KAZN: variants seen among roughly 807,000 people sequenced by gnomAD.
KAZN encodes kazrin, periplakin interacting protein.
KAZN carries 40 observed loss-of-function variants against 87.4 expected under a neutral mutation model. That is an observed-to-expected ratio of 0.46 (90% CI 0.36 to 0.60). The LOEUF (loss-of-function observed/expected upper bound fraction) is 0.60. Among genes scored for constraint, KAZN ranks in the 20% least tolerant of loss-of-function variants. The probability of loss-of-function intolerance (pLI) is 0.00; values close to 1 mark genes in which losing one functional copy is unlikely to be tolerated. For synonymous variants in KAZN, 466 were observed against 458.3 expected (o/e 1.02, Z -0.22); for missense variants, 898 against 1,073.9 (o/e 0.84, Z 2.29).
At chr1:13,967,462 C>T (rs936340197) in intron 1 of KAZN, among the ~76,000 whole-genome samples, 9 of 152,174 alleles carry the variant, frequency 5.9e-5, no homozygotes, top group African/African-American at 2.2e-4. Context: ...TGGCCAGCAT[C>T]CAGCAGTGTA....
Position 14,995,934 on chromosome 1 carries a change from G to A in KAZN, c.418+35059G>A, listed in dbSNP as rs149689775. ...TTTAAAAGTTGGAAACTTTTACAGT[G>A]TGGATTTCCAACTTGTCCTGGAAAA... On this transcript the variant is annotated intron_variant, in intron 2 of 14. Transcript: ENST00000376030. Among the ~76,000 whole-genome samples the A allele has an allele frequency of 4.6e-3, 696 of 152,274 alleles. 5 individuals carry two copies. The highest frequency in any genetic ancestry group is 0.016 in the African/African-American group (662 of 41,542).
intron 2 of KAZN, among the ~76,000 whole-genome samples, chr1:14,375,231 A>G (rs1660801824): frequency 6.6e-6 from 1 of 152,212 alleles, no homozygotes; most frequent in African/African-American, 2.4e-5. Flanking sequence ...TACACACTTC[A>G]GAAAGAGTGC....
chr1:14,156,237 A>G (rs1395299195), intron 1 of KAZN, among the ~76,000 whole-genome samples: 1 of 152,120 alleles, frequency 6.6e-6, no homozygotes, highest in Admixed American at 6.5e-5. Flanking sequence ...ATGTTTTAAG[A>G]TTTGTTTTGT....
At chr1:14,137,672 T>C (rs10803459) in intron 1 of KAZN, among the ~76,000 whole-genome samples, 81,521 of 147,788 alleles carry the variant, frequency 0.55, 23,837 homozygotes, top group East Asian at 0.72. Context: ...CAGTATCTGG[T>C]GGTGAGTAAG....
chr1:14,465,243 C>T (rs1668057762), intron 2 of KAZN, among the ~76,000 whole-genome samples: 1 of 151,612 alleles, frequency 6.6e-6, no homozygotes. Flanking sequence ...ACTAAAAATA[C>T]AAAAAATTGG....
chr1:13,971,603 T>TTTTTG (rs1642139058), intron 1 of KAZN, among the ~76,000 whole-genome samples: 4 of 133,768 alleles, frequency 3.0e-5, no homozygotes, highest in African/African-American at 1.0e-4. Flanking sequence ...AGGTTTTTTT[T>TTTTTG]TTGTTGTTGT....
chr1:14,842,017 C>G (rs1270135990), intron 1 of KAZN, among the ~76,000 whole-genome samples: 1 of 152,186 alleles, frequency 6.6e-6, no homozygotes, highest in African/African-American at 2.4e-5. Context: ...CTGGGATGTG[C>G]CCTTATCAGT....
chr1:14,475,221 A>C (rs1668656089), intron 2 of KAZN, among the ~76,000 whole-genome samples: 1 of 152,140 alleles, frequency 6.6e-6, no homozygotes, highest in African/African-American at 2.4e-5. Context: ...TGAAGTAGAA[A>C]ATGCTTATTA....
chr1:14,972,618 G>A (rs1385959543), intron 2 of KAZN, among the ~76,000 whole-genome samples: 2 of 151,696 alleles, frequency 1.3e-5, no homozygotes, highest in South Asian at 2.1e-4. Context: ...GAGTTCCGGC[G>A]ATTCTCCTAC....
Position 14,883,326 on chromosome 1 carries a change from G to A in KAZN, c.227-77358G>A, listed in dbSNP as rs183109018. The stretch of plus-strand genomic sequence containing the variant: ...AAAGAAAGAAAGAAAGAAAGAGAGA[G>A]AGAGAGAGAGAGAGAGAAAGAAAGA... On this transcript the variant is annotated intron_variant, in intron 1 of 14. Transcript: ENST00000376030. Among the ~76,000 whole-genome samples, 179 of 37,540 alleles carry A rather than the reference G, an allele frequency of 4.8e-3. 6 individuals carry two copies. Among genetic ancestry groups the A allele is most frequent in the African/African-American group, 0.012 (170 of 14,556 alleles). The allele number at this position is 37,540 out of a possible 152,430, so 24.6% of individuals were successfully genotyped here.
intron 2 of KAZN, among the ~76,000 whole-genome samples, chr1:14,383,302 A>G (rs949577265): frequency 2.0e-5 from 3 of 149,892 alleles, no homozygotes; most frequent in African/African-American, 4.9e-5. Flanking sequence ...TTTGCTGTGC[A>G]GAAGCTCTTT....
intron 2 of KAZN, among the ~76,000 whole-genome samples, chr1:14,421,420 G>A (rs910595302): frequency 6.6e-6 from 1 of 152,128 alleles, no homozygotes; most frequent in Non-Finnish European, 1.5e-5. Context: ...AGGACACGAG[G>A]AAAGCCACAT....
At chr1:14,144,882 G>A (rs1405749648) in intron 1 of KAZN, among the ~76,000 whole-genome samples, 2 of 152,110 alleles carry the variant, frequency 1.3e-5, no homozygotes, top group African/African-American at 4.8e-5. Flanking sequence ...CACAGGAAAG[G>A]CATCTACTAA....
In KAZN at chr1:14,960,705, C is replaced by G. The variant is rs200376788; in HGVS notation, c.248C>G (p.Ser83Trp). Residue 83 changes from serine to tryptophan, a missense_variant, in exon 2 of 15, where the codon TCG becomes TGG. Around this residue, in one of 3 missense-constraint regions of KAZN, gnomAD observed 250 missense variants for 263.0 expected, o/e 0.95. Transcript: ENST00000376030. ...GAQVLLREEV[S>W]RLQEEVHLLR... Reference sequence around the variant, plus strand: ...CTAGTGCTCCTGCGGGAAGAAGTGTCGCGGCTCCAGGAGGAAGTTCACCTT... The same window carrying G: ...CTAGTGCTCCTGCGGGAAGAAGTGTGGCGGCTCCAGGAGGAAGTTCACCTT... The G allele has an allele frequency of 3.2e-6, 5 of 1,571,984 alleles. No homozygotes were observed. The highest frequency in any genetic ancestry group is 4.3e-6 in the Non-Finnish European group (5 of 1,157,408).
chr1:14,416,171 T>C (rs767542541), intron 2 of KAZN, among the ~76,000 whole-genome samples: 1 of 152,154 alleles, frequency 6.6e-6, no homozygotes, highest in Non-Finnish European at 1.5e-5. Flanking sequence ...CAGTGCCTCA[T>C]TCAGGGATTC....
chr1:14,495,436 C>T (rs1022531207), intron 2 of KAZN, among the ~76,000 whole-genome samples: 1 of 152,136 alleles, frequency 6.6e-6, no homozygotes, highest in Non-Finnish European at 1.5e-5. Flanking sequence ...TTTTAACTAC[C>T]CCTGCCCCTT....
At chr1:14,255,730 C>T (rs1038247985) in intron 2 of KAZN, among the ~76,000 whole-genome samples, 12 of 152,152 alleles carry the variant, frequency 7.9e-5, no homozygotes, top group African/African-American at 2.2e-4. Flanking sequence ...AGTGTGACAT[C>T]GTTTTATCTT....
intron 1 of KAZN, among the ~76,000 whole-genome samples, chr1:14,168,691 T>C (rs559657753): frequency 2.4e-3 from 372 of 152,310 alleles, no homozygotes; most frequent in Non-Finnish European, 3.9e-3. Flanking sequence ...TCAGCCCAGC[T>C]AGAAGCTTCT....
chr1:14,436,215 G>A lies in KAZN; in HGVS notation c.250-162768G>A, dbSNP rs554001433. The stretch of plus-strand genomic sequence containing the variant: ...TTGCACTCCAGCCTGGGCAAAAAGA[G>A]TGAAACTCCAACTCAAAAAAAAGAA... On this transcript the variant is annotated intron_variant, in intron 2 of 16. Coordinates refer to the KAZN transcript ENST00000636203. Among the ~76,000 whole-genome samples, 70 of 151,788 alleles carry A rather than the reference G, an allele frequency of 4.6e-4. 1 individual carries two copies. The South Asian group carries it at 0.012, about 26-fold the overall frequency.
Sources: allele counts gnomAD v4.1 joint callset (sites outside exome capture counted in the v4.1 genomes callset), GRCh38; gene constraint gnomAD v4.1.1; regional missense constraint gnomAD v4.1.1; transcripts MANE v1.5; gene names NCBI Gene and HGNC (gene_info 2026-07-23, HGNC 2026-07-21).